STMN4: variants seen among roughly 807,000 people sequenced by gnomAD.
STMN4 encodes the protein stathmin-4.
STMN4 carries 12 observed loss-of-function variants against 29.1 expected under a neutral mutation model. The ratio of observed to expected loss-of-function variants is 0.41; its 90% CI spans 0.26 to 0.67. The LOEUF is 0.67. STMN4 is among the 30% of genes least tolerant of loss of function. The pLI, the probability that STMN4 is intolerant of heterozygous loss-of-function variation, is 0.30. For missense variants in STMN4, 181 were observed against 262.8 expected, an observed-to-expected ratio of 0.69 and a Z score of 2.15; for synonymous variants, 114 against 105.3, an observed-to-expected ratio of 1.08 and a Z score of -0.51.
chr8:27,241,888 C>T, intron 3 of STMN4, 131 bp from the exon 4 acceptor site: 2 of 1,008,498 alleles, frequency 2.0e-6, no homozygotes, highest in Non-Finnish European at 3.0e-6. Flanking sequence ...CTGGTGAGGA[C>T]GTGGCCACCC....
chr8:27,239,512 G>A (rs1801403233), intron 6 of STMN4: 5 of 699,384 alleles, frequency 7.1e-6, no homozygotes, highest in South Asian at 5.9e-5. Context: ...TGTGTCAAGA[G>A]GTTTAGAGAG....
intron 1 of STMN4, among the ~76,000 whole-genome samples, chr8:27,252,364 T>C (rs1033311216): frequency 1.3e-5 from 2 of 152,240 alleles, no homozygotes; most frequent in Non-Finnish European, 2.9e-5. Context: ...TTTCCAGTTA[T>C]AGATCCCTGA....
intron 3 of STMN4, 84 bp from the exon 4 acceptor site, chr8:27,241,841 C>G: frequency 1.3e-6 from 2 of 1,534,114 alleles, no homozygotes; most frequent in African/African-American, 1.4e-5. Context: ...CTGCTTCTAA[C>G]CAGGACATTA....
chr8:27,239,806 C>T (rs1801411334), intron 6 of STMN4, 165 bp downstream of exon 6: 22 of 1,539,618 alleles, frequency 1.4e-5, no homozygotes, highest in Non-Finnish European at 1.9e-5. Flanking sequence ...CTCTGACTTC[C>T]CTGATCATCC....
chr8:27,236,983 A>G (rs1294417305), intron 6 of STMN4, 78 bp from the exon 7 acceptor site: 1 of 1,490,918 alleles, frequency 6.7e-7, no homozygotes, highest in African/African-American at 1.4e-5. Context: ...GGGCAAGAGA[A>G]CCAAAAGCAA....
chr8:27,250,592 A>G (rs1166110618), intron 1 of STMN4, among the ~76,000 whole-genome samples: 1 of 152,202 alleles, frequency 6.6e-6, no homozygotes, highest in Non-Finnish European at 1.5e-5. Flanking sequence ...CCAAGAAGGA[A>G]CCAGCGAGAC....
At chr8:27,247,846 T>C (rs1432384983) in intron 1 of STMN4, among the ~76,000 whole-genome samples, 2 of 152,144 alleles carry the variant, frequency 1.3e-5, no homozygotes, top group Non-Finnish European at 2.9e-5. Flanking sequence ...AGCAGAGCAA[T>C]GGAAGGCAAA....
intron 5 of STMN4, 118 bp downstream of exon 5, chr8:27,240,936 C>T (rs1323630049): frequency 1.0e-6 from 1 of 993,418 alleles, no homozygotes; most frequent in Non-Finnish European, 1.5e-6. Context: ...TCGGGAGATG[C>T]TCCCTAAATA....
chr8:27,249,349 G>A (rs896363952), intron 1 of STMN4, among the ~76,000 whole-genome samples: 7 of 152,166 alleles, frequency 4.6e-5, no homozygotes, highest in Non-Finnish European at 1.0e-4. Flanking sequence ...TCACTCCCGG[G>A]AACTACATGG....
rs1456659135 is a variant in STMN4, at chr8:27,239,974, C to G, written c.588G>C (p.Glu196Asp). The change falls in exon 6 of 7, where the codon GAG becomes GAC. Residue 196 changes from glutamate to aspartate, a missense_variant. Glu to Asp is a conservative substitution (Grantham distance 45, BLOSUM62 2). Transcript: ENST00000350889. ...TCTCTAGCCAGGGACCCCTCACCTT[C>G]TCTTGCAGCCGTTCCAACATGGCGG... The part of the protein sequence containing the change: ...HLAAMLERLQ[E>D]KDKHAEEVRK... The G allele has an allele frequency of 1.2e-6, 2 of 1,614,272 alleles. No individual in the cohort carries two copies. The highest frequency in any genetic ancestry group is 1.7e-6 in the Non-Finnish European group (2 of 1,180,048).
At chr8:27,239,161 C>A in intron 6 of STMN4, 1 of 1,501,266 alleles carries the variant, frequency 6.7e-7, no homozygotes, top group South Asian at 1.2e-5. Flanking sequence ...CCTTCTAGGA[C>A]CTGTTGCCAA....
intron 1 of STMN4, among the ~76,000 whole-genome samples, chr8:27,256,995 C>G (rs1159430122): frequency 1.3e-5 from 2 of 152,096 alleles, no homozygotes; most frequent in Non-Finnish European, 2.9e-5. Flanking sequence ...CTGAGAATGC[C>G]AGGAGGGCTG....
chr8:27,239,139 A>C, intron 6 of STMN4: 1 of 1,444,162 alleles, frequency 6.9e-7, no homozygotes, highest in Non-Finnish European at 9.2e-7. Flanking sequence ...ACACCTTGTG[A>C]AGAAACCAGA....
chr8:27,235,451 A>G lies in STMN4; in HGVS notation c.*1395T>C, dbSNP rs1407975997. 1.3e-5 allele frequency: 2 copies of G among 152,456 alleles called. No homozygotes were observed. Among genetic ancestry groups the G allele is most frequent in the Non-Finnish European group, 2.9e-5 (2 of 68,252 alleles). The allele number at this position is 152,456 out of a possible 1,614,324, so 9.4% of individuals were successfully genotyped here. A position where few individuals can be genotyped will look rare whatever the true frequency, so the allele number is the denominator to read the frequency against. ...TGCACTCATGTTTGCAGGGGAAGGG[A>G]GGAGGAGAGCTTCTTTTCCAGCCAT... On this transcript the variant is annotated 3_prime_UTR_variant, in exon 7 of 7. Transcript: ENST00000350889.
chr8:27,240,075 T>G lies in STMN4; in HGVS notation c.487A>C (p.Asn163His). 6.2e-7 allele frequency: 1 copy of G among 1,614,238 alleles called. No individual in the cohort carries two copies. Among genetic ancestry groups the G allele is most frequent in the Non-Finnish European group, 8.5e-7 (1 of 1,180,042 alleles). Residue 163 changes from asparagine (N) to histidine (H), a missense_variant, in exon 6 of 7, where the codon AAC becomes CAC. By Grantham distance (68) the Asn-to-His change is moderately conservative. Transcript: ENST00000350889. ...TTTTCCTTAGCCATCTTGATGAAGT[T>G]GTTGTTTTCCTCAATGGCCTTTTGG... The part of the protein sequence containing the change: ...VIQKAIEENN[N>H]FIKMAKEKLA...
At chr8:27,237,404 T>C (rs1801340944) in intron 6 of STMN4, among the ~76,000 whole-genome samples, 1 of 152,196 alleles carries the variant, frequency 6.6e-6, no homozygotes. Flanking sequence ...ATGAGGATTC[T>C]TTGATTTTCC....
intron 2 of STMN4, 69 bp from the exon 3 acceptor site, chr8:27,242,561 C>G (rs982949264): frequency 2.9e-5 from 44 of 1,520,858 alleles, no homozygotes; most frequent in Admixed American, 1.1e-4. Flanking sequence ...CCTCACGGGT[C>G]TGGGGCTCTG....
chr8:27,257,306 C>T (rs1357462043), intron 1 of STMN4, among the ~76,000 whole-genome samples: 1 of 152,148 alleles, frequency 6.6e-6, no homozygotes, highest in Non-Finnish European at 1.5e-5. Flanking sequence ...CATATTCCCT[C>T]TCAACCTCCC....
In STMN4 at chr8:27,238,243, CA is replaced by C. The variant is rs1158388962; in HGVS notation, c.592-1339del. ...TTTTATACCAAGTGAGTCTGGTACA[CA>C]GGGTCAGTGACCCACACAAACACTG... On this transcript the variant is annotated intron_variant, in intron 6 of 6. Transcript: ENST00000350889. Among the ~76,000 whole-genome samples the C allele has an allele frequency of 2.0e-5, 3 of 152,188 alleles. No individual in the cohort carries two copies. In the East Asian group the frequency reaches 5.8e-4, roughly 29 times the overall value.
Sources: gnomAD v4.1 joint callset for allele counts (sites outside exome capture counted in the v4.1 genomes callset) on GRCh38, gnomAD v4.1.1 for gene constraint, MANE v1.5 for transcripts, NCBI Gene and HGNC (gene_info 2026-07-23, HGNC 2026-07-21) for gene names.